Variants in WNK2 observed in about 807,000 individuals in gnomAD.
The protein encoded by WNK2 is serine/threonine-protein kinase WNK2.
WNK2 carries 67 observed loss-of-function variants against 192.1 expected under a neutral mutation model. The ratio of observed to expected loss-of-function variants is 0.35; its 90% CI spans 0.29 to 0.43. WNK2 has a LOEUF of 0.43. Ranked by LOEUF, WNK2 falls within the 20% of genes least tolerant of loss-of-function variation. The pLI, the probability that WNK2 is intolerant of heterozygous loss-of-function variation, is 1.00. For synonymous variants in WNK2, 1,439 were observed against 1,393.9 expected, an observed-to-expected ratio of 1.03 and a Z score of -0.72; for missense variants, 2,698 against 3,089.7, an observed-to-expected ratio of 0.87 and a Z score of 3.01.
intron 8 of WNK2, among the ~76,000 whole-genome samples, chr9:93,251,667 A>G (rs1842626639): frequency 6.6e-6 from 1 of 152,178 alleles, no homozygotes; most frequent in African/African-American, 2.4e-5. Context: ...CCGTGATCAC[A>G]CCACTGCACT....
Position 93,241,842 on chromosome 9 carries a change from C to T in WNK2, c.1542+1866C>T, listed in dbSNP as rs1840826590. Among the ~76,000 whole-genome samples the T allele has an allele frequency of 2.6e-5, 4 of 151,872 alleles. No homozygotes were observed. The South Asian group carries it at 8.3e-4, about 31-fold the overall frequency. ...GCCGTGAGGTCAGTGCAGGGAGCAG[C>T]AGTCTCTCAGCTGGACTTCCTGCAG... On this transcript the variant is annotated intron_variant, in intron 7 of 29. Coordinates refer to ENST00000427277, the MANE Select transcript of WNK2 (RefSeq NM_006648.4).
intron 19 of WNK2, among the ~76,000 whole-genome samples, chr9:93,278,824 C>A (rs534673836): frequency 6.6e-6 from 1 of 152,176 alleles, no homozygotes; most frequent in East Asian, 1.9e-4. Context: ...TTCATATGTT[C>A]AAAAAGCTAT....
At chr9:93,246,820 T>A (rs1488791171) in intron 7 of WNK2, among the ~76,000 whole-genome samples, 1 of 152,216 alleles carries the variant, frequency 6.6e-6, no homozygotes, top group African/African-American at 2.4e-5. Flanking sequence ...TGCGGGTGGA[T>A]CTGGAATCTT....
chr9:93,308,350 C>T lies in WNK2; in HGVS notation c.6282C>T (p.Ala2094=), dbSNP rs1410810729. ...CAGGGTCCTCCACCAGCAGCCTGGC[C>T]CCAGGCCCTGAGCCAGGCCCCCAGC... ...HSSRSSTSSL[A]PGPEPGPQPA... Residue 2094 remains alanine, a synonymous_variant, in exon 28 of 30, where the codon GCC becomes GCT. Coordinates refer to ENST00000427277, the MANE Select transcript of WNK2 (RefSeq NM_006648.4). 2 of 1,555,566 alleles carry T rather than the reference C, an allele frequency of 1.3e-6. No individual in the cohort carries two copies. Among genetic ancestry groups the T allele is most frequent in the Admixed American group, 1.9e-5 (1 of 51,374 alleles).
rs183834743 is a variant in WNK2, at chr9:93,271,863, A to C, written c.4033+3117A>C. ...TTAAATGCAAATCAATCTGCTGAAA[A>C]GTAAAGACAGCCAGACAAAAATTAT... On this transcript the variant is annotated intron_variant, in intron 19 of 29. Transcript: ENST00000427277. Among the ~76,000 whole-genome samples the C allele has an allele frequency of 1.8e-4, 27 of 152,394 alleles. No homozygotes were observed. The East Asian group carries it at 5.0e-3, about 28-fold the overall frequency.
At chr9:93,211,829 C>G (rs1427544104) in intron 2 of WNK2, among the ~76,000 whole-genome samples, 1 of 151,282 alleles carries the variant, frequency 6.6e-6, no homozygotes, top group Admixed American at 6.6e-5. Context: ...ACTCACTCAT[C>G]TACTCCTCGC....
At chr9:93,184,739 C>A (rs1282277700) in intron 1 of WNK2, among the ~76,000 whole-genome samples, 189 bp from the exon 2 acceptor site, 7 of 152,128 alleles carry the variant, frequency 4.6e-5, no homozygotes, top group Non-Finnish European at 1.0e-4. Context: ...ACCCCTCCTC[C>A]CCAACCCAAG....
chr9:93,205,922 A>C (rs930065368), intron 2 of WNK2, among the ~76,000 whole-genome samples: 37 of 152,070 alleles, frequency 2.4e-4, no homozygotes, highest in Admixed American at 2.2e-3. Flanking sequence ...GGATGGCAAG[A>C]GGAAAATCAG....
intron 2 of WNK2, among the ~76,000 whole-genome samples, chr9:93,202,464 A>T (rs1832621140): frequency 6.6e-6 from 1 of 151,686 alleles, no homozygotes; most frequent in African/African-American, 2.4e-5. Context: ...CCGAGGGGCC[A>T]CCTGTCCCGT....
At chr9:93,319,023 T>C (rs1855188284) in intron 29 of WNK2, 1 of 1,541,576 alleles carries the variant, frequency 6.5e-7, no homozygotes, top group Non-Finnish European at 8.8e-7. Context: ...CAGGGCACGA[T>C]GCTGTCGTAA....
chr9:93,252,030 C>T (rs10992688), intron 8 of WNK2, among the ~76,000 whole-genome samples: 6 of 152,182 alleles, frequency 3.9e-5, no homozygotes, highest in South Asian at 2.1e-4. Flanking sequence ...CAGCCCCTCG[C>T]GAAAATAGTG....
In WNK2 at chr9:93,280,840, C is replaced by T. The variant is rs372338228; in HGVS notation, c.4034-7948C>T. ...CTCTAACATTCTTTGAATTTTTCCA[C>T]ATGCTTTTGTGAAACACTTTGTGGT... On this transcript the variant is annotated intron_variant, in intron 19 of 29. Coordinates refer to ENST00000427277, the MANE Select transcript of WNK2 (RefSeq NM_006648.4). Among the ~76,000 whole-genome samples, 5 of 152,090 alleles carry T rather than the reference C, an allele frequency of 3.3e-5. No homozygotes were observed. In the South Asian group the frequency reaches 6.2e-4, roughly 19 times the overall value.
At chr9:93,203,335 G>A (rs991595004) in intron 2 of WNK2, among the ~76,000 whole-genome samples, 1 of 152,000 alleles carries the variant, frequency 6.6e-6, no homozygotes, top group African/African-American at 2.4e-5. Context: ...CATTGGTGGC[G>A]GGTGGTAGCA....
In WNK2 at chr9:93,184,145, G is replaced by C. The variant is rs1323437769; in HGVS notation, c.-243G>C. 6.7e-6 allele frequency among the ~76,000 whole-genome samples: 1 copy of C among 149,882 alleles called. No individual in the cohort carries two copies. The highest frequency in any genetic ancestry group is 1.5e-5 in the Non-Finnish European group (1 of 67,252). ...GGGCGAACGGAGCCCCGCCCTCCCC[G>C]CGCGCCGGGTCGGAGCCGGTGCGGG... On this transcript the variant is annotated 5_prime_UTR_variant, in exon 1 of 30. Coordinates refer to ENST00000427277, the MANE Select transcript of WNK2 (RefSeq NM_006648.4).
rs1202589134 is a variant in WNK2 at position 93,239,654 on chromosome 9, C to T, written c.1323-103C>T. 9.9e-7 allele frequency: 1 copy of T among 1,012,400 alleles called. No individual in the cohort carries two copies. The highest frequency in any genetic ancestry group is 1.4e-6 in the Non-Finnish European group (1 of 692,552). The allele number at this position is 1,012,400 out of a possible 1,614,324, so 62.7% of individuals were successfully genotyped here. ...GAGACATGAGGCCTGGCCTCAGGCT[C>T]CTGCAGGTGTGCCTGTCCTTGTCCT... On this transcript the variant is annotated intron_variant, in intron 6 of 29. Transcript: ENST00000427277. The surrounding 1 kb of genome is among the most constrained non-coding windows in gnomAD (Gnocchi z 4.2).
chr9:93,318,625 T>A, intron 29 of WNK2: 1 of 1,586,620 alleles, frequency 6.3e-7, no homozygotes, highest in Non-Finnish European at 8.6e-7. Flanking sequence ...CAAGTGCAGC[T>A]CCTCCAGCTG....
rs1470253569 is a variant in WNK2, at chr9:93,288,901, C to T, written c.4147C>T (p.Pro1383Ser). 1 of 1,608,054 alleles carries T rather than the reference C, an allele frequency of 6.2e-7. No individual in the cohort carries two copies. The highest frequency in any genetic ancestry group is 1.3e-5 in the African/African-American group (1 of 74,974). Residue 1383 changes from proline (P) to serine (S), a missense_variant, in exon 20 of 30, where the codon CCT becomes TCT. Coordinates refer to ENST00000427277, the MANE Select transcript of WNK2 (RefSeq NM_006648.4). ...CAACCCTCCTGGGGCACCCCCAGCC[C>T]CTTTGGCCCCCTCCTCCCCTCCTGT... ...PSNPPGAPPA[P>S]LAPSSPPVTA...
At position 93,211,167 on chromosome 9, in the gene WNK2, C is replaced by A. The variant is rs955184375; in HGVS notation, c.682-18529C>A. On this transcript the variant is annotated intron_variant, in intron 2 of 29. Coordinates refer to ENST00000427277, the MANE Select transcript of WNK2 (RefSeq NM_006648.4). ...TCACTTATTCACTCACAGATTCCCT[C>A]ACTCATACATCCACTCATTCACACA... is the stretch of plus-strand genomic sequence containing the variant. 1.1e-4 allele frequency among the ~76,000 whole-genome samples: 17 copies of A among 152,020 alleles called. 1 individual carries two copies. The highest frequency in any genetic ancestry group is 3.6e-4 in the African/African-American group (15 of 41,434).
Position 93,293,152 on chromosome 9 carries a change from A to T in WNK2, c.5687A>T (p.Glu1896Val). The T allele has an allele frequency of 3.2e-6, 5 of 1,541,498 alleles. No individual in the cohort carries two copies. Among genetic ancestry groups the T allele is most frequent in the Non-Finnish European group, 4.4e-6 (5 of 1,146,072 alleles). Residue 1896 changes from glutamate to valine, a missense_variant, in exon 23 of 30, where the codon GAG (glutamate) becomes GTG (valine). By Grantham distance (121) the Glu-to-Val change is moderately radical (BLOSUM62 -2). Coordinates refer to ENST00000427277, the MANE Select transcript of WNK2 (RefSeq NM_006648.4). ...SELEDADIKK[E>V]LQSLREKHLK... ...CTCGAGGATGCTGACATAAAGAAGG[A>T]GCTGCAGAGTCTGCGGGAGAAGTAG...
Sources: allele counts gnomAD v4.1 joint callset (sites outside exome capture counted in the v4.1 genomes callset), GRCh38; gene constraint gnomAD v4.1.1; non-coding constraint Gnocchi (gnomAD v3.1); transcripts MANE v1.5; gene names NCBI Gene and HGNC (gene_info 2026-07-23, HGNC 2026-07-21).